Variants in FANCA observed in about 807,000 individuals in gnomAD.
FANCA encodes the protein Fanconi anemia group A protein.
Under a neutral mutation model 194.3 loss-of-function variants are expected in FANCA, and 236 were observed. The observed-to-expected ratio is 1.21, with a 90% CI of 1.09 to 1.35. The LOEUF (loss-of-function observed/expected upper bound fraction) is 1.35. FANCA is among the 40% of genes most tolerant of loss of function. The pLI, the probability that FANCA is intolerant of heterozygous loss-of-function variation, is 0.00. For missense variants in FANCA, 2,628 were observed against 1,813.9 expected (o/e 1.45, Z -8.15); for synonymous variants, 1,014 against 715.8 (o/e 1.42, Z -6.65).
intron 5 of FANCA, among the ~76,000 whole-genome samples, chr16:89,809,201 C>A (rs893754222): frequency 6.6e-6 from 1 of 151,764 alleles, no homozygotes; most frequent in East Asian, 2.0e-4. Flanking sequence ...CCACTGGGCC[C>A]GGCCCCTAAC....
intron 8 of FANCA, among the ~76,000 whole-genome samples, chr16:89,800,957 C>T (rs377163582): frequency 6.7e-6 from 1 of 149,260 alleles, no homozygotes; most frequent in Non-Finnish European, 1.5e-5. Context: ...AGCTTGAACC[C>T]GGTAGGCGGA....
intron 1 of FANCA, 177 bp from the exon 2 acceptor site, chr16:89,816,163 AC>A: frequency 4.6e-6 from 3 of 656,268 alleles, no homozygotes; most frequent in South Asian, 4.6e-5. Flanking sequence ...CCCACCGCGG[AC>A]GCCGGGGAAG....
Position 89,765,034 on chromosome 16 carries a change from C to T in FANCA, c.2634G>A (p.Glu878=), listed in dbSNP as rs2143289424. 5 of 1,614,246 alleles carry T rather than the reference C, an allele frequency of 3.1e-6. No individual in the cohort carries two copies. The highest frequency in any genetic ancestry group is 4.2e-6 in the Non-Finnish European group (5 of 1,180,046). The change falls in exon 28 of 43, where the codon GAG becomes GAA. Residue 878 remains glutamate (E), a synonymous_variant. Coordinates refer to ENST00000389301, the MANE Select transcript of FANCA (RefSeq NM_000135.4). Reference sequence around the variant, plus strand: ...CCTCCTCAGAAAGAGGCTGTCGGGCCTCTGAGAACAATCTGAACATGAGGA... The same window carrying T: ...CCTCCTCAGAAAGAGGCTGTCGGGCTTCTGAGAACAATCTGAACATGAGGA... ...FQFLMFRLFS[E]ARQPLSEEDV...
In FANCA at chr16:89,803,262, C is replaced by A. The variant is rs34354932; in HGVS notation, c.789G>T (p.Pro263=). Residue 263 remains proline, a synonymous_variant, in exon 8 of 43, where the codon CCG becomes CCT. Transcript: ENST00000389301. ...TTCACTTGACTTTTCCTCCTACCTG[C>A]GGCATTTTTTCAGGCTCCACAGTTC... ...LRRTVEPEKM[P]QVTVDVLQRM... 9 of 1,613,782 alleles carry A rather than the reference C, an allele frequency of 5.6e-6. No individual in the cohort carries two copies. Among genetic ancestry groups the A allele is most frequent in the African/African-American group, 2.7e-5 (2 of 74,924 alleles).
chr16:89,809,920 G>A (rs1316334766), intron 5 of FANCA, among the ~76,000 whole-genome samples: 1 of 152,032 alleles, frequency 6.6e-6, no homozygotes, highest in Non-Finnish European at 1.5e-5. Flanking sequence ...CAGCTACTAA[G>A]GTGGCTGAGG....
At chr16:89,792,134 C>T in intron 12 of FANCA, 66 bp from the exon 13 acceptor site, 6 of 1,600,018 alleles carry the variant, frequency 3.7e-6, no homozygotes, top group Non-Finnish European at 2.6e-6. Context: ...TGACCCCTCA[C>T]CTTCCTCCCA....
At chr16:89,762,061 G>A (rs2038970838) in intron 28 of FANCA, 39 bp from the exon 29 acceptor site, 1 of 1,491,770 alleles carries the variant, frequency 6.7e-7, no homozygotes, top group Non-Finnish European at 9.4e-7. Flanking sequence ...AATGAGGACA[G>A]AACACACAAT....
chr16:89,742,142 A>G (rs1488153845), intron 37 of FANCA, among the ~76,000 whole-genome samples: 4 of 151,814 alleles, frequency 2.6e-5, no homozygotes, highest in African/African-American at 9.7e-5. Flanking sequence ...ACACCCGACT[A>G]ATTTTTGTGT....
intron 28 of FANCA, chr16:89,762,856 A>G (rs1598098303): frequency 2.6e-6 from 1 of 386,566 alleles, no homozygotes; most frequent in East Asian, 9.9e-5. Context: ...TAATCCCAGC[A>G]CTTTGGGAGG....
intron 22 of FANCA, among the ~76,000 whole-genome samples, chr16:89,772,345 T>G (rs2039354843): frequency 6.6e-6 from 1 of 152,232 alleles, no homozygotes; most frequent in Admixed American, 6.5e-5. Context: ...AAGGCTGCAC[T>G]CAGGAACTGG....
chr16:89,767,929 G>GC (rs1393102742), intron 26 of FANCA, among the ~76,000 whole-genome samples: 1 of 152,104 alleles, frequency 6.6e-6, no homozygotes, highest in African/African-American at 2.4e-5. Context: ...CAAGTGATCT[G>GC]CCCACCTCAG....
intron 20 of FANCA, 62 bp downstream of exon 20, chr16:89,778,739 A>G (rs1213351440): frequency 4.0e-6 from 6 of 1,497,104 alleles, no homozygotes; most frequent in Non-Finnish European, 5.6e-6. Context: ...AAGATCCACA[A>G]TTCTTCGCAT....
At chr16:89,808,663 G>C (rs1025534563) in intron 5 of FANCA, among the ~76,000 whole-genome samples, 6 of 152,058 alleles carry the variant, frequency 3.9e-5, no homozygotes, top group Non-Finnish European at 1.5e-5. Flanking sequence ...CCACACTACA[G>C]CCAACACAGT....
At position 89,761,951 on chromosome 16, in the gene FANCA, T is replaced by C; in HGVS notation, c.2850A>G (p.Glu950=). 6.2e-7 allele frequency: 1 copy of C among 1,613,500 alleles called. No homozygotes were observed. Among genetic ancestry groups the C allele is most frequent in the South Asian group, 1.1e-5 (1 of 91,064 alleles). Reference sequence around the variant, plus strand: ...GGGTAGCTCTTTTCAACACTTACCGTTCAGTATCTGAAAGAGCATCAGCTT... The same window carrying C: ...GGGTAGCTCTTTTCAACACTTACCGCTCAGTATCTGAAAGAGCATCAGCTT... The part of the protein sequence containing the change: ...QPEADALSDT[E]RQDFHQWAIH... The change falls in exon 29 of 43, where the codon GAA becomes GAG. Residue 950 remains glutamate, a splice_region_variant and synonymous_variant. Transcript: ENST00000389301.
chr16:89,770,358 C>A, intron 24 of FANCA, 99 bp from the exon 25 acceptor site: 1 of 1,200,016 alleles, frequency 8.3e-7, no homozygotes. Context: ...AAGAGCCAAG[C>A]TGTTCCCCAA....
At position 89,738,178 on chromosome 16, in the gene FANCA, C is replaced by T. The variant is rs1401413519; in HGVS notation, c.*423G>A. Reference sequence around the variant, plus strand: ...CAAGGCCCTGCCCCTGGAGGCGGAACCACCACCTGGGCCACCGAGCCCCTC... The same window carrying T: ...CAAGGCCCTGCCCCTGGAGGCGGAATCACCACCTGGGCCACCGAGCCCCTC... On this transcript the variant is annotated 3_prime_UTR_variant, in exon 43 of 43. Transcript: ENST00000389301. 3 of 1,612,560 alleles carry T rather than the reference C, an allele frequency of 1.9e-6. No homozygotes were observed. Among genetic ancestry groups the T allele is most frequent in the Non-Finnish European group, 2.5e-6 (3 of 1,179,686 alleles).
At chr16:89,808,638 C>T (rs1379957826) in intron 5 of FANCA, among the ~76,000 whole-genome samples, 2 of 152,162 alleles carry the variant, frequency 1.3e-5, no homozygotes, top group South Asian at 2.1e-4. Flanking sequence ...CTGTAGCCTA[C>T]TTCTAACCCT....
chr16:89,769,934 C>A lies in FANCA; in HGVS notation c.2407G>T (p.Val803Leu), dbSNP rs769083458. The A allele has an allele frequency of 6.2e-7, 1 of 1,614,072 alleles. No individual in the cohort carries two copies. The highest frequency in any genetic ancestry group is 8.5e-7 in the Non-Finnish European group (1 of 1,179,994). ...ESRSALPEVDVGPPAPGAGLP... is the reference protein window; with the variant it reads ...ESRSALPEVDLGPPAPGAGLP... ...CCAGCACCAGGTGCAGGAGGACCCA[C>A]ATCCACCTCTGGGAGCGCAGACCTG... Residue 803 changes from valine to leucine, a missense_variant, in exon 26 of 43, where the codon GTG becomes TTG. Transcript: ENST00000389301.
At chr16:89,772,880 T>C (rs1461188388) in intron 22 of FANCA, among the ~76,000 whole-genome samples, 1 of 151,994 alleles carries the variant, frequency 6.6e-6, no homozygotes, top group Non-Finnish European at 1.5e-5. Flanking sequence ...TTTCTTACTC[T>C]GGATTTTACA....
Sources: gnomAD v4.1 joint callset for allele counts (sites outside exome capture counted in the v4.1 genomes callset) on GRCh38, gnomAD v4.1.1 for gene constraint, MANE v1.5 for transcripts, NCBI Gene and HGNC (gene_info 2026-07-23, HGNC 2026-07-21) for gene names.